HMCN1: variants seen among roughly 807,000 people sequenced by gnomAD.
The protein encoded by HMCN1 is hemicentin-1.
Under a neutral mutation model 625.9 loss-of-function variants are expected in HMCN1, and 321 were observed. That is an observed-to-expected ratio of 0.51 (90% CI 0.47 to 0.56). The LOEUF is 0.56. Among genes scored for constraint, HMCN1 ranks in the 20% least tolerant of loss-of-function variants. The pLI is 0.00. For synonymous variants in HMCN1, 2,425 were observed against 2,417.6 expected (o/e 1.00, Z -0.09); for missense variants, 6,588 against 6,887.3 (o/e 0.96, Z 1.54).
At chr1:185,962,790 T>TA in intron 12 of HMCN1, 131 bp downstream of exon 12, 1 of 703,512 alleles carries the variant, frequency 1.4e-6, no homozygotes, top group Admixed American at 2.1e-5. Flanking sequence ...TTACATTTTC[T>TA]AAACAGGCTA....
At chr1:185,797,011 T>C (rs1327008988) in intron 1 of HMCN1, among the ~76,000 whole-genome samples, 3 of 152,212 alleles carry the variant, frequency 2.0e-5, no homozygotes, top group African/African-American at 7.2e-5. Context: ...ACATCTGTTA[T>C]TTGTTGACTT....
Position 186,016,186 on chromosome 1 carries a change from T to A in HMCN1, c.5138T>A (p.Val1713Glu), listed in dbSNP as rs777549152. ...ATTGATCGAGGACAGTACATATGCG[T>A]GGCTACCAGTGTGGCAGGAGAAAAG... ...QEIDRGQYICVATSVAGEKEI... is the reference protein window; with the variant it reads ...QEIDRGQYICEATSVAGEKEI... Residue 1713 changes from valine to glutamate, a missense_variant, in exon 32 of 107, where the codon GTG becomes GAG. Val to Glu is a moderately radical substitution (Grantham distance 121). This residue lies in a region of HMCN1 where 4,628 missense variants were observed against 4,853.1 expected (regional missense o/e 0.95). Coordinates refer to ENST00000271588, the MANE Select transcript of HMCN1 (RefSeq NM_031935.3). 6.2e-7 allele frequency: 1 copy of A among 1,613,224 alleles called. No individual in the cohort carries two copies. Among genetic ancestry groups the A allele is most frequent in the African/African-American group, 1.3e-5 (1 of 74,880 alleles).
intron 97 of HMCN1, among the ~76,000 whole-genome samples, chr1:186,160,700 G>C (rs1281426723): frequency 2.0e-5 from 3 of 152,140 alleles, no homozygotes; most frequent in Non-Finnish European, 4.4e-5. Context: ...TTCAGGAGCA[G>C]GTTGTTCAGT....
intron 4 of HMCN1, among the ~76,000 whole-genome samples, chr1:185,897,333 A>G (rs565893438): frequency 7.2e-5 from 11 of 152,216 alleles, no homozygotes; most frequent in African/African-American, 2.6e-4. Flanking sequence ...ACATTCTTCC[A>G]GTAGAATCCT....
chr1:186,073,656 G>C (rs1441153526), intron 52 of HMCN1, among the ~76,000 whole-genome samples: 1 of 152,020 alleles, frequency 6.6e-6, no homozygotes, highest in East Asian at 1.9e-4. Flanking sequence ...GGAGGCAAAA[G>C]AGTTGAGAGT....
rs749988314 is a variant in HMCN1 at position 185,994,815 on chromosome 1, T to A, written c.3506T>A (p.Val1169Asp). Residue 1169 changes from valine (V) to aspartate (D), a missense_variant and splice_region_variant, in exon 24 of 107, where the codon GTT (valine) becomes GAT (aspartate). Physicochemically the swap from Val to Asp is radical, Grantham distance 152 (BLOSUM62 -3). This residue lies in a region of HMCN1 where 4,628 missense variants were observed against 4,853.1 expected (regional missense o/e 0.95). Coordinates refer to ENST00000271588, the MANE Select transcript of HMCN1 (RefSeq NM_031935.3). The part of the protein sequence containing the change: ...VTQAVKLNVH[V>D]PPKIQRGPKH... ...ATTAATACCCAGTTATTATTTCTAG[T>A]TCCTCCAAAGATACAGCGTGGACCT... The A allele has an allele frequency of 7.4e-6, 12 of 1,613,100 alleles. No homozygotes were observed. The highest frequency in any genetic ancestry group is 1.0e-5 in the Non-Finnish European group (12 of 1,179,246).
intron 82 of HMCN1, among the ~76,000 whole-genome samples, chr1:186,127,336 G>A (rs1230943717): frequency 6.6e-6 from 1 of 152,072 alleles, no homozygotes; most frequent in Non-Finnish European, 1.5e-5. Flanking sequence ...TCAGCATATA[G>A]TTGATATTTA....
intron 13 of HMCN1, 48 bp from the exon 14 acceptor site, chr1:185,965,754 T>G: frequency 9.8e-7 from 1 of 1,016,036 alleles, no homozygotes; most frequent in Non-Finnish European, 1.6e-6. Context: ...ACAAAATCCA[T>G]CTGGTCTTGT....
rs1663069542 is a variant in HMCN1, at chr1:185,864,644, C to G, written c.498+16C>G. The G allele has an allele frequency of 6.2e-7, 1 of 1,612,738 alleles. No individual in the cohort carries two copies. The highest frequency in any genetic ancestry group is 8.5e-7 in the Non-Finnish European group (1 of 1,179,072). Reference sequence around the variant, plus strand: ...ACAGTCACAAGTGAGTAAGAATCAACCCCAAACGTCTCTGTCTAAATGCAG... The same window carrying G: ...ACAGTCACAAGTGAGTAAGAATCAAGCCCAAACGTCTCTGTCTAAATGCAG... On this transcript the variant is annotated intron_variant, in intron 3 of 106. Transcript: ENST00000271588.
intron 6 of HMCN1, among the ~76,000 whole-genome samples, chr1:185,914,452 GATCT>G (rs745404067): frequency 8.6e-5 from 13 of 152,034 alleles, no homozygotes; most frequent in Non-Finnish European, 1.3e-4. Flanking sequence ...TATGGAGAAC[GATCT>G]ATCTATTACT....
intron 1 of HMCN1, among the ~76,000 whole-genome samples, chr1:185,787,231 T>C (rs1657679482): frequency 6.6e-6 from 1 of 151,950 alleles, no homozygotes; most frequent in East Asian, 1.9e-4. Context: ...ACAGAAAATA[T>C]TTACCTTCTG....
Position 186,174,575 on chromosome 1 carries a change from A to C in HMCN1, c.15876A>C (p.Thr5292=). 1 of 1,613,864 alleles carries C rather than the reference A, an allele frequency of 6.2e-7. No homozygotes were observed. The highest frequency in any genetic ancestry group is 1.3e-5 in the African/African-American group (1 of 75,060). Residue 5292 remains threonine, a synonymous_variant, in exon 103 of 107, where the codon ACA becomes ACC. Coordinates refer to ENST00000271588, the MANE Select transcript of HMCN1 (RefSeq NM_031935.3). The part of the protein sequence containing the change: ...QCRYNQICEN[T]RGSYRCVCPR... ...GATATAACCAGATATGTGAGAATAC[A>C]AGAGGCAGCTATCGTTGTGTATGCC...
intron 89 of HMCN1, among the ~76,000 whole-genome samples, chr1:186,142,273 GAGTT>G (rs1455390960): frequency 6.6e-5 from 10 of 152,134 alleles, no homozygotes; most frequent in African/African-American, 2.4e-4. Context: ...TTCTGTTCCT[GAGTT>G]AGTTAGTTTG....
At chr1:186,153,686 C>A (rs994003584) in intron 96 of HMCN1, 64 bp from the exon 97 acceptor site, 11 of 1,307,844 alleles carry the variant, frequency 8.4e-6, no homozygotes, top group Non-Finnish European at 1.2e-5. Context: ...ATTTCATAGT[C>A]CCCTTAAGGG....
rs541136322 is a variant in HMCN1 at position 186,147,304 on chromosome 1, G to A, written c.14608+1381G>A. Among the ~76,000 whole-genome samples, 22 of 151,534 alleles carry A rather than the reference G, an allele frequency of 1.5e-4. No homozygotes were observed. The South Asian group carries it at 4.4e-3, about 30-fold the overall frequency. On this transcript the variant is annotated intron_variant, in intron 93 of 106. Coordinates refer to ENST00000271588, the MANE Select transcript of HMCN1 (RefSeq NM_031935.3). Reference sequence around the variant, plus strand: ...ACTTCCCTAAATAGTAGGTAGTAGTGCATTCCAACCTTACATTTATTTGTG... The same window carrying A: ...ACTTCCCTAAATAGTAGGTAGTAGTACATTCCAACCTTACATTTATTTGTG...
intron 102 of HMCN1, among the ~76,000 whole-genome samples, chr1:186,174,179 A>G (rs185710250): frequency 1.1e-4 from 17 of 152,350 alleles, no homozygotes; most frequent in Admixed American, 9.8e-4. Flanking sequence ...ATCAGAAGCA[A>G]TGTAGCACTA....
chr1:186,047,982 A>G (rs1391541481), intron 41 of HMCN1, among the ~76,000 whole-genome samples: 1 of 152,172 alleles, frequency 6.6e-6, no homozygotes, highest in Non-Finnish European at 1.5e-5. Flanking sequence ...CTTAGTTGGC[A>G]ATAAGTCCCA....
At chr1:185,952,657 C>T (rs893284324) in intron 11 of HMCN1, among the ~76,000 whole-genome samples, 33 of 151,504 alleles carry the variant, frequency 2.2e-4, no homozygotes, top group African/African-American at 5.4e-4. Context: ...TGGGGTCAAG[C>T]GGCATTGCAG....
chr1:186,132,799 AC>A (rs534890800), intron 86 of HMCN1, among the ~76,000 whole-genome samples: 70 of 148,270 alleles, frequency 4.7e-4, no homozygotes, highest in Non-Finnish European at 7.9e-4. Context: ...ACCTCCCCCC[AC>A]CCCCCACAAC....
Sources: gnomAD v4.1 joint callset for allele counts (sites outside exome capture counted in the v4.1 genomes callset) on GRCh38, gnomAD v4.1.1 for gene constraint, gnomAD v4.1.1 regional missense constraint, MANE v1.5 for transcripts, NCBI Gene and HGNC (gene_info 2026-07-23, HGNC 2026-07-21) for gene names.